NFASC: variants seen among roughly 807,000 people sequenced by gnomAD.
NFASC encodes the protein neurofascin, also known as neurofascin homolog.
Under a neutral mutation model 147.5 loss-of-function variants are expected in NFASC, and 43 were observed. The ratio of observed to expected loss-of-function variants is 0.29; its 90% CI spans 0.23 to 0.38. The LOEUF is 0.38. Ranked by LOEUF, NFASC falls within the 10% of genes least tolerant of loss-of-function variation. The probability of loss-of-function intolerance (pLI) is 1.00; values close to 1 mark genes in which losing one functional copy is unlikely to be tolerated. For missense variants in NFASC, 1,320 were observed against 1,689.0 expected (o/e 0.78, Z 3.83); for synonymous variants, 622 against 665.5 (o/e 0.93, Z 1.01).
chr1:205,006,977 G>A (rs1246735146), intron 27 of NFASC, among the ~76,000 whole-genome samples: 1 of 152,062 alleles, frequency 6.6e-6, no homozygotes, highest in Non-Finnish European at 1.5e-5. Context: ...AGGTCAGCTT[G>A]GGAGAGGCCC....
chr1:204,853,506 A>G (rs1426867982), intron 1 of NFASC, among the ~76,000 whole-genome samples: 1 of 152,112 alleles, frequency 6.6e-6, no homozygotes, highest in Non-Finnish European at 1.5e-5. Context: ...TGGCTCCTGT[A>G]GTACTTTGAG....
chr1:204,982,083 C>A lies in NFASC; in HGVS notation c.2470+63C>A, dbSNP rs928494070. On this transcript the variant is annotated intron_variant, in intron 21 of 29. Transcript: ENST00000339876. Reference sequence around the variant, plus strand: ...TGTGGCTAGGTCGCACGAGGCCACGCTCACAGGCCAGGAACCTTGGGGTGG... The same window carrying A: ...TGTGGCTAGGTCGCACGAGGCCACGATCACAGGCCAGGAACCTTGGGGTGG... 61 of 1,123,120 alleles carry A rather than the reference C, an allele frequency of 5.4e-5. No homozygotes were observed. In the Middle Eastern group the frequency reaches 6.2e-4, roughly 11 times the overall value. 69.6% of individuals were successfully genotyped at this position (1,123,120 alleles called of 1,614,324 possible). A position where few individuals can be genotyped will look rare whatever the true frequency, so the allele number is the denominator to read the frequency against.
At chr1:204,883,709 G>C (rs1230417405) in intron 1 of NFASC, among the ~76,000 whole-genome samples, 1 of 152,228 alleles carries the variant, frequency 6.6e-6, no homozygotes, top group Non-Finnish European at 1.5e-5. Flanking sequence ...TCCTATCACT[G>C]CTTAGTTCTG....
Position 204,831,647 on chromosome 1 carries a change from T to G in NFASC, c.-200+2865T>G, listed in dbSNP as rs530461397. ...TCCCTTTGTCTTTAGAAAAAGAAAT[T>G]CTTAGGAAATCAGAGAGGGGGAAGC... On this transcript the variant is annotated intron_variant, in intron 1 of 29. Transcript: ENST00000339876. 8.9e-4 allele frequency among the ~76,000 whole-genome samples: 136 copies of G among 151,990 alleles called. 1 individual carries two copies. Among genetic ancestry groups the G allele is most frequent in the Non-Finnish European group, 1.6e-3 (112 of 67,956 alleles).
At chr1:204,991,739 CT>C (rs1457607305) in intron 24 of NFASC, among the ~76,000 whole-genome samples, 3 of 152,248 alleles carry the variant, frequency 2.0e-5, no homozygotes, top group Non-Finnish European at 4.4e-5. Context: ...CCTGGTGGGG[CT>C]GCCATCTCCT....
At chr1:204,966,940 C>T (rs146733083) in intron 8 of NFASC, among the ~76,000 whole-genome samples, 253 of 152,304 alleles carry the variant, frequency 1.7e-3, no homozygotes, top group African/African-American at 5.1e-3. Flanking sequence ...GGAGCCCCGC[C>T]GGTGCAGCCA....
At chr1:204,909,991 A>G (rs930400552) in intron 1 of NFASC, among the ~76,000 whole-genome samples, 4 of 152,182 alleles carry the variant, frequency 2.6e-5, no homozygotes, top group East Asian at 1.9e-4. Flanking sequence ...CTGTAGTTAT[A>G]TAATGAGTCT....
rs1391578495 is a variant in NFASC, at chr1:205,015,841, C to T, written c.3492-467C>T. 6.6e-6 allele frequency among the ~76,000 whole-genome samples: 1 copy of T among 152,042 alleles called. No homozygotes were observed. The highest frequency in any genetic ancestry group is 1.9e-4 in the East Asian group (1 of 5,162). On this transcript the variant is annotated intron_variant, in intron 29 of 29. Coordinates refer to ENST00000339876, the MANE Select transcript of NFASC (RefSeq NM_001005388.3). This position sits in a 1 kb window ranked among gnomAD's most constrained non-coding sequence, Gnocchi z 4.0. ...CTTGTTGTCAAGGCGAGAGTGTTTCCCTACAGAGTCACAGGTCTTGGGAGA... is the reference window on the plus strand; with the variant it reads ...CTTGTTGTCAAGGCGAGAGTGTTTCTCTACAGAGTCACAGGTCTTGGGAGA...
At chr1:204,845,080 C>T (rs906521410) in intron 1 of NFASC, among the ~76,000 whole-genome samples, 3 of 152,170 alleles carry the variant, frequency 2.0e-5, no homozygotes, top group African/African-American at 7.2e-5. Context: ...CTACTTCCCT[C>T]TGTGCCCGAG....
At position 204,968,156 on chromosome 1, in the gene NFASC, G is replaced by GC; in HGVS notation, c.707-93_707-92insC. The GC allele has an allele frequency of 1.1e-6, 1 of 893,934 alleles. No individual in the cohort carries two copies. The highest frequency in any genetic ancestry group is 1.4e-5 in the South Asian group (1 of 70,474). 55.4% of individuals were successfully genotyped at this position (893,934 alleles called of 1,614,324 possible). A position where few individuals can be genotyped will look rare whatever the true frequency, so the allele number is the denominator to read the frequency against. On this transcript the variant is annotated intron_variant, in intron 8 of 29. Transcript: ENST00000339876. This position sits in a 1 kb window ranked among gnomAD's most constrained non-coding sequence, Gnocchi z 5.4. ...CAGCTGGGAGGATCCGGCAGGGGCG[G>GC]TGATGCCACTTCTCTCTAGCCTGAC...
intron 2 of NFASC, among the ~76,000 whole-genome samples, chr1:204,939,034 ATGGATGTGTGTGTGTGTGTGTG>A (rs1237179188): frequency 6.5e-5 from 4 of 61,412 alleles, no homozygotes; most frequent in African/African-American, 1.7e-4. Flanking sequence ...TCCTGTATGG[ATGGATGTGTGTGTGTGTGTGTG>A]TGTGTGTGTG....
At chr1:204,947,642 A>G (rs1380593878) in intron 3 of NFASC, among the ~76,000 whole-genome samples, 1 of 68,964 alleles carries the variant, frequency 1.5e-5, no homozygotes, top group East Asian at 4.3e-4. Context: ...TTCCCTCCCT[A>G]TCCAGCCCCA....
intron 2 of NFASC, among the ~76,000 whole-genome samples, chr1:204,929,960 G>T (rs2092192463): frequency 1.3e-5 from 2 of 152,216 alleles, no homozygotes; most frequent in South Asian, 4.1e-4. Flanking sequence ...CCTTGGCATG[G>T]GAGAGATGGA....
chr1:204,936,533 T>C (rs1234052495), intron 2 of NFASC, among the ~76,000 whole-genome samples: 2 of 152,188 alleles, frequency 1.3e-5, no homozygotes, highest in Non-Finnish European at 2.9e-5. Flanking sequence ...TTTAGCTCTG[T>C]CCTCACCCCT....
At chr1:204,994,876 G>T (rs2095813849) in intron 24 of NFASC, among the ~76,000 whole-genome samples, 1 of 152,184 alleles carries the variant, frequency 6.6e-6, no homozygotes, top group Admixed American at 6.5e-5. Flanking sequence ...ACTTTGGGAG[G>T]CTGAGGCTAG....
chr1:204,911,154 G>A (rs2087362867), intron 1 of NFASC, among the ~76,000 whole-genome samples: 2 of 152,108 alleles, frequency 1.3e-5, no homozygotes, highest in African/African-American at 4.8e-5. Flanking sequence ...TCATGAATGA[G>A]TGTCTAATTT....
intron 26 of NFASC, 78 bp from the exon 27 acceptor site, chr1:205,002,518 C>T (rs1446017959): frequency 1.4e-5 from 17 of 1,212,868 alleles, no homozygotes; most frequent in Non-Finnish European, 1.9e-5. Context: ...CTACCTTTGA[C>T]AGGTGACCAG....
chr1:205,004,916 A>C (rs1358489556), intron 27 of NFASC, among the ~76,000 whole-genome samples: 2 of 152,262 alleles, frequency 1.3e-5, no homozygotes, highest in African/African-American at 4.8e-5. Flanking sequence ...GTCTGAAGCC[A>C]AAGAGACCTG....
intron 1 of NFASC, among the ~76,000 whole-genome samples, chr1:204,856,469 G>A (rs1460400551): frequency 3.3e-5 from 5 of 150,558 alleles, no homozygotes; most frequent in South Asian, 2.1e-4. Context: ...AAACTAGAAC[G>A]ATCCCCCATG....
Sources: allele counts gnomAD v4.1 joint callset (sites outside exome capture counted in the v4.1 genomes callset), GRCh38; gene constraint gnomAD v4.1.1; non-coding constraint Gnocchi (gnomAD v3.1); transcripts MANE v1.5; gene names NCBI Gene and HGNC (gene_info 2026-07-23, HGNC 2026-07-21).